TAFA1: variants seen among roughly 807,000 people sequenced by gnomAD.
The protein encoded by TAFA1 is TAFA chemokine like family member 1.
In TAFA1, 4 loss-of-function variants were observed where a neutral mutation model predicts 18.5. The ratio of observed to expected loss-of-function variants is 0.22; its 90% CI spans 0.11 to 0.49. The LOEUF is 0.49. TAFA1 is among the 20% of genes least tolerant of loss of function. The pLI, the probability that TAFA1 is intolerant of heterozygous loss-of-function variation, is 0.98. For synonymous variants in TAFA1, 56 were observed against 55.2 expected (o/e 1.01, Z -0.06); for missense variants, 147 against 169.0 (o/e 0.87, Z 0.72).
Position 68,324,842 on chromosome 3 carries a change from G to A in TAFA1, c.119-92438G>A, listed in dbSNP as rs113481786. Among the ~76,000 whole-genome samples, 653 of 152,194 alleles carry A rather than the reference G, an allele frequency of 4.3e-3. 3 individuals are homozygous for A. The highest frequency in any genetic ancestry group is 0.03 in the South Asian group (144 of 4,814). On this transcript the variant is annotated intron_variant, in intron 2 of 4. Transcript: ENST00000478136. ...AAGCAGTAATTAGCAAAGAAATAACGGTCACTTTTTAGGCAGGAAAGGGAT... is the reference window on the plus strand; with the variant it reads ...AAGCAGTAATTAGCAAAGAAATAACAGTCACTTTTTAGGCAGGAAAGGGAT...
intron 2 of TAFA1, among the ~76,000 whole-genome samples, chr3:68,279,172 T>A (rs896014042): frequency 6.6e-6 from 1 of 152,166 alleles, no homozygotes; most frequent in Non-Finnish European, 1.5e-5. Context: ...TATCATTACA[T>A]AGACTAGAAC....
At chr3:68,330,896 G>T (rs1357879692) in intron 2 of TAFA1, among the ~76,000 whole-genome samples, 3 of 141,146 alleles carry the variant, frequency 2.1e-5, no homozygotes, top group Non-Finnish European at 4.6e-5. Context: ...TGAAGACAGG[G>T]AATTTCATAT....
chr3:68,152,958 A>T (rs567224902), intron 2 of TAFA1, among the ~76,000 whole-genome samples: 1 of 152,080 alleles, frequency 6.6e-6, no homozygotes, highest in Non-Finnish European at 1.5e-5. Context: ...GGAGAGTGGG[A>T]CCAGCTGCTT....
chr3:68,440,648 C>T (rs2071359513), intron 3 of TAFA1, among the ~76,000 whole-genome samples: 1 of 152,162 alleles, frequency 6.6e-6, no homozygotes, highest in African/African-American at 2.4e-5. Flanking sequence ...TGACCCAAAC[C>T]TTCATTCCTG....
intron 2 of TAFA1, among the ~76,000 whole-genome samples, chr3:68,087,334 G>A (rs2106789448): frequency 6.6e-6 from 1 of 152,012 alleles, no homozygotes; most frequent in Admixed American, 6.5e-5. Context: ...CTCAGTTAGA[G>A]GACATGAGGT....
chr3:68,443,402 T>C (rs1027100449), intron 3 of TAFA1, among the ~76,000 whole-genome samples: 11 of 150,908 alleles, frequency 7.3e-5, no homozygotes, highest in Non-Finnish European at 1.6e-4. Flanking sequence ...TCATGAATAG[T>C]TTCTCCATCA....
At chr3:68,109,955 GTT>G (rs2065245428) in intron 2 of TAFA1, among the ~76,000 whole-genome samples, 1 of 152,064 alleles carries the variant, frequency 6.6e-6, no homozygotes, top group Non-Finnish European at 1.5e-5. Context: ...GCCAATTTTA[GTT>G]TTATTATTTT....
intron 2 of TAFA1, among the ~76,000 whole-genome samples, chr3:68,168,905 C>G (rs2066017646): frequency 6.6e-6 from 1 of 152,112 alleles, no homozygotes; most frequent in South Asian, 2.1e-4. Context: ...AGTATATTGT[C>G]TTTCTTTCAT....
At chr3:68,539,681 G>T (rs76502429) in intron 4 of TAFA1, among the ~76,000 whole-genome samples, 661 of 21,746 alleles carry the variant, frequency 0.03, 40 homozygotes, top group Non-Finnish European at 0.054. Flanking sequence ...GTGTGTGTGG[G>T]GGGGCATGGG....
chr3:68,407,284 C>T (rs2070630640), intron 2 of TAFA1, among the ~76,000 whole-genome samples: 1 of 152,040 alleles, frequency 6.6e-6, no homozygotes, highest in South Asian at 2.1e-4. Flanking sequence ...AATCACTTTG[C>T]CTGTATTTAT....
intron 2 of TAFA1, among the ~76,000 whole-genome samples, chr3:68,208,301 G>A (rs181552417): frequency 5.3e-5 from 8 of 151,976 alleles, no homozygotes; most frequent in East Asian, 1.9e-4. Flanking sequence ...GATTGGAGTC[G>A]TGTTTTAGCC....
chr3:68,317,171 T>C (rs754798945), intron 2 of TAFA1, among the ~76,000 whole-genome samples: 4 of 152,164 alleles, frequency 2.6e-5, no homozygotes, highest in Non-Finnish European at 4.4e-5. Flanking sequence ...TTTAAAAGAT[T>C]GTTGTTTTCT....
chr3:68,536,930 A>G (rs777415089), intron 3 of TAFA1, among the ~76,000 whole-genome samples: 2 of 152,190 alleles, frequency 1.3e-5, no homozygotes, highest in African/African-American at 2.4e-5. Flanking sequence ...TTTTTATCTA[A>G]TATTACTCTT....
intron 2 of TAFA1, among the ~76,000 whole-genome samples, chr3:68,095,059 G>A (rs963954847): frequency 1.3e-5 from 2 of 152,158 alleles, no homozygotes; most frequent in Non-Finnish European, 2.9e-5. Context: ...AGGCCCTTAA[G>A]TGGCTTGGTT....
At chr3:68,041,740 G>A (rs1705169697) in intron 2 of TAFA1, among the ~76,000 whole-genome samples, 1 of 152,200 alleles carries the variant, frequency 6.6e-6, no homozygotes. Flanking sequence ...ATAAACCAGA[G>A]TTTTCTCAAT....
chr3:68,301,766 T>C (rs2068306759), intron 2 of TAFA1, among the ~76,000 whole-genome samples: 1 of 152,226 alleles, frequency 6.6e-6, no homozygotes, highest in Non-Finnish European at 1.5e-5. Context: ...GTCGGTCAGA[T>C]GACTGACAAC....
intron 2 of TAFA1, among the ~76,000 whole-genome samples, chr3:68,294,761 C>T (rs1041432824): frequency 2.0e-5 from 3 of 152,116 alleles, no homozygotes; most frequent in Non-Finnish European, 4.4e-5. Context: ...CCTGTGGTCT[C>T]AGCTACTTGG....
At chr3:68,358,631 C>G (rs2069410855) in intron 2 of TAFA1, among the ~76,000 whole-genome samples, 1 of 151,950 alleles carries the variant, frequency 6.6e-6, no homozygotes, top group South Asian at 2.1e-4. Context: ...TACCGCAAAT[C>G]TATGGTCTAC....
In TAFA1 at chr3:68,259,916, G is replaced by T. The variant is rs987957440; in HGVS notation, c.119-157364G>T. 5.9e-5 allele frequency among the ~76,000 whole-genome samples: 9 copies of T among 151,870 alleles called. No homozygotes were observed. In the East Asian group the frequency reaches 1.7e-3, roughly 29 times the overall value. On this transcript the variant is annotated intron_variant, in intron 2 of 4. Transcript: ENST00000478136. Reference sequence around the variant, plus strand: ...AATTTGACTTCCTCTTTTCCTAATTGAATACCCTTTATTTCCTTCTCCTGC... The same window carrying T: ...AATTTGACTTCCTCTTTTCCTAATTTAATACCCTTTATTTCCTTCTCCTGC...
Sources: allele counts gnomAD v4.1 joint callset (sites outside exome capture counted in the v4.1 genomes callset), GRCh38; gene constraint gnomAD v4.1.1; transcripts MANE v1.5; gene names NCBI Gene and HGNC (gene_info 2026-07-23, HGNC 2026-07-21).